Variants in USH2A observed in about 807,000 individuals in gnomAD.
USH2A encodes the protein Usher syndrome 2A (autosomal recessive, mild).
In USH2A, 443 loss-of-function variants were observed where a neutral mutation model predicts 538.9. The observed-to-expected ratio is 0.82, with a 90% confidence interval of 0.76 to 0.89. The LOEUF (loss-of-function observed/expected upper bound fraction) is 0.89. USH2A is among the 40% of genes least tolerant of loss of function. The pLI is 0.00. For missense variants in USH2A, 6,633 were observed against 6,324.8 expected (o/e 1.05, Z -1.65); for synonymous variants, 2,413 against 2,273.5 (o/e 1.06, Z -1.75).
rs1553326993 is a variant in USH2A, at chr1:216,289,319, A to G, written c.1932T>C (p.Asp644=). The part of the protein sequence containing the change: ...AIDVCKPCDC[D]TVGTRNGSIL... ...TGCTACCATTTCTAGTGCCAACTGT[A>G]TCACAGTCACAGGGTTTGCAAACAT... The change falls in exon 11 of 72, where the codon GAT becomes GAC. Residue 644 remains aspartate, a synonymous_variant. Coordinates refer to ENST00000307340, the MANE Select transcript of USH2A (RefSeq NM_206933.4). The G allele has an allele frequency of 1.9e-6, 3 of 1,614,008 alleles. No individual in the cohort carries two copies. In the South Asian group the frequency reaches 3.3e-5, roughly 18 times the overall value.
rs1032672026 is a variant in USH2A at position 215,748,311 on chromosome 1, G to T, written c.11390-4976C>A. On this transcript the variant is annotated intron_variant, in intron 58 of 71. Transcript: ENST00000307340. ...GCCGGGACCTTGAACCTGTTATTGGGCTTAGTTTTCTTTAGATCTTCCTAA... is the reference window on the plus strand; with the variant it reads ...GCCGGGACCTTGAACCTGTTATTGGTCTTAGTTTTCTTTAGATCTTCCTAA... 2.0e-5 allele frequency among the ~76,000 whole-genome samples: 3 copies of T among 152,084 alleles called. 1 individual carries two copies. Among genetic ancestry groups the T allele is most frequent in the Admixed American group, 1.3e-4 (2 of 15,256 alleles).
At chr1:216,053,625 A>T (rs149752150) in intron 30 of USH2A, among the ~76,000 whole-genome samples, 1 of 152,278 alleles carries the variant, frequency 6.6e-6, no homozygotes, top group Non-Finnish European at 1.5e-5. Flanking sequence ...GAAACATTCA[A>T]TAAGCATAAA....
At chr1:216,322,113 T>A in intron 8 of USH2A, 137 bp from the exon 9 acceptor site, 1 of 846,430 alleles carries the variant, frequency 1.2e-6, no homozygotes. Context: ...AATCAGTTTC[T>A]CCTTAATCGT....
At chr1:216,026,227 A>G (rs1668961338) in intron 32 of USH2A, among the ~76,000 whole-genome samples, 1 of 152,164 alleles carries the variant, frequency 6.6e-6, no homozygotes, top group African/African-American at 2.4e-5. Context: ...TAAAACAAGC[A>G]TTTATTTCTA....
chr1:215,819,706 T>C (rs1397603683), intron 47 of USH2A, among the ~76,000 whole-genome samples: 1 of 151,834 alleles, frequency 6.6e-6, no homozygotes, highest in Non-Finnish European at 1.5e-5. Context: ...AAATACCACG[T>C]AGAGCACGTT....
chr1:216,232,274 C>T (rs2102522839), intron 13 of USH2A, 138 bp from the exon 14 acceptor site: 1 of 991,778 alleles, frequency 1.0e-6, no homozygotes, highest in East Asian at 2.6e-5. Context: ...TATATCTGTC[C>T]TTCAGTGTGT....
intron 43 of USH2A, among the ~76,000 whole-genome samples, chr1:215,873,821 C>T (rs1360094988): frequency 1.3e-5 from 2 of 149,672 alleles, no homozygotes; most frequent in African/African-American, 5.0e-5. Context: ...AAAAAATACT[C>T]TGAGAAATGT....
At position 215,628,999 on chromosome 1, in the gene USH2A, GTGT is replaced by G. The variant is rs766970587; in HGVS notation, c.15331_15333del (p.Thr5111del). 2 of 1,613,628 alleles carry G rather than the reference GTGT, an allele frequency of 1.2e-6. No homozygotes were observed. Among genetic ancestry groups the G allele is most frequent in the East Asian group, 4.5e-5 (2 of 44,876 alleles). On this transcript the variant is annotated inframe_deletion, in exon 71 of 72. Coordinates refer to ENST00000307340, the MANE Select transcript of USH2A (RefSeq NM_206933.4). ...CTCCGGTTGCTGCGGATACTCACAG[GTGT>G]CCCAGACCGGGGAATTTTGGTATCG... is the stretch of plus-strand genomic sequence containing the variant.
intron 4 of USH2A, among the ~76,000 whole-genome samples, chr1:216,340,658 C>A (rs2038060125): frequency 6.6e-6 from 1 of 151,972 alleles, no homozygotes; most frequent in African/African-American, 2.4e-5. Context: ...CACGACCAAG[C>A]TGGCTTCATC....
chr1:215,798,708 T>A (rs1662210668), intron 50 of USH2A, among the ~76,000 whole-genome samples, 199 bp downstream of exon 50: 1 of 152,194 alleles, frequency 6.6e-6, no homozygotes, highest in South Asian at 2.1e-4. Context: ...AATTGATGCG[T>A]TTTTATGAAA....
intron 46 of USH2A, among the ~76,000 whole-genome samples, chr1:215,842,382 T>C (rs1422724033): frequency 6.6e-6 from 1 of 152,150 alleles, no homozygotes; most frequent in Non-Finnish European, 1.5e-5. Flanking sequence ...AGTTCAACCA[T>C]TGTGAAAGAC....
intron 49 of USH2A, among the ~76,000 whole-genome samples, chr1:215,810,585 G>A (rs941128666): frequency 1.3e-5 from 2 of 152,104 alleles, no homozygotes. Context: ...TGATCAACTT[G>A]GTCTACTGGT....
rs1656902525 is a variant in USH2A, at chr1:215,647,674, G to T, written c.14639C>A (p.Pro4880His). ...CPPDSALPCT[P>H]SQIETKYTGL... ...CGTGTACTTTGTTTCTATTTGGCTG[G>T]GAGTACAGGGGAGGGCTGAGTCAGG... The change falls in exon 67 of 72, where the codon CCC becomes CAC. Residue 4880 changes from proline (P) to histidine (H), a missense_variant. Physicochemically the swap from Pro to His is moderately conservative, Grantham distance 77. Transcript: ENST00000307340. 6.2e-7 allele frequency: 1 copy of T among 1,614,064 alleles called. No homozygotes were observed. Among genetic ancestry groups the T allele is most frequent in the African/African-American group, 1.3e-5 (1 of 74,910 alleles).
intron 32 of USH2A, among the ~76,000 whole-genome samples, chr1:216,001,925 C>T (rs2102484423): frequency 6.6e-6 from 1 of 152,124 alleles, no homozygotes; most frequent in Non-Finnish European, 1.5e-5. Flanking sequence ...TTGATTAAAC[C>T]TTGTTTTCTT....
At chr1:215,710,062 T>C (rs1410505757) in intron 61 of USH2A, among the ~76,000 whole-genome samples, 2 of 152,180 alleles carry the variant, frequency 1.3e-5, no homozygotes, top group African/African-American at 4.8e-5. Flanking sequence ...AGGTGCTGTA[T>C]TGGGAAGGAA....
At chr1:215,894,879 G>A (rs972983352) in intron 40 of USH2A, among the ~76,000 whole-genome samples, 1 of 152,142 alleles carries the variant, frequency 6.6e-6, no homozygotes. Flanking sequence ...GCCTTACCCT[G>A]AACAAGTGGA....
intron 20 of USH2A, among the ~76,000 whole-genome samples, chr1:216,185,287 C>T (rs1558304302): frequency 6.6e-6 from 1 of 151,872 alleles, no homozygotes; most frequent in African/African-American, 2.4e-5. Context: ...CAGTGCAATA[C>T]TCTGGATGAA....
chr1:215,687,356 G>A (rs1444233927), intron 61 of USH2A, among the ~76,000 whole-genome samples: 1 of 149,004 alleles, frequency 6.7e-6, no homozygotes, highest in Non-Finnish European at 1.5e-5. Flanking sequence ...AATGATACGT[G>A]AAAAGGGAGA....
intron 21 of USH2A, among the ~76,000 whole-genome samples, chr1:216,162,453 T>G (rs1315531631): frequency 1.3e-5 from 2 of 152,108 alleles, no homozygotes; most frequent in Non-Finnish European, 2.9e-5. Flanking sequence ...TTTGAAGTCT[T>G]TGTCTGCCTC....
Sources: gnomAD v4.1 joint callset for allele counts (sites outside exome capture counted in the v4.1 genomes callset) on GRCh38, gnomAD v4.1.1 for gene constraint, MANE v1.5 for transcripts, NCBI Gene and HGNC (gene_info 2026-07-23, HGNC 2026-07-21) for gene names.